The following LAMB4 variants were observed in gnomAD, a reference collection of about 807,000 sequenced individuals.
The protein encoded by LAMB4 is laminin subunit beta 4, also known as laminin subunit beta-4.
In LAMB4, 196 loss-of-function variants were observed where a neutral mutation model predicts 199.2. That is an observed-to-expected ratio of 0.98 (90% CI 0.88 to 1.11). LAMB4 has a LOEUF of 1.11. Among genes scored for constraint, LAMB4 ranks in the 50% least tolerant of loss-of-function variants. The pLI is 0.00. For synonymous variants in LAMB4, 744 were observed against 770.6 expected (o/e 0.97, Z 0.57); for missense variants, 2,080 against 2,171.2 (o/e 0.96, Z 0.83).
chr7:108,128,065 C>T (rs901990632), intron 1 of LAMB4, among the ~76,000 whole-genome samples: 12 of 152,100 alleles, frequency 7.9e-5, no homozygotes, highest in Non-Finnish European at 1.6e-4. Context: ...CTATGGAACA[C>T]GGTCGATACA....
At chr7:108,028,845 A>G (rs1413655155) in intron 33 of LAMB4, among the ~76,000 whole-genome samples, 198 bp downstream of exon 33, 1 of 152,200 alleles carries the variant, frequency 6.6e-6, no homozygotes. Flanking sequence ...GCAGATGCTC[A>G]TTAACCTTTC....
At chr7:108,091,514 G>A in intron 14 of LAMB4, 112 bp downstream of exon 14, 1 of 1,238,152 alleles carries the variant, frequency 8.1e-7, no homozygotes. Context: ...TGCATCTTTG[G>A]GCAAAAGCAT....
Position 108,106,522 on chromosome 7 carries a change from G to T in LAMB4, c.642C>A (p.Ser214Arg). Reference sequence around the variant, plus strand: ...AGGAATTCATACCTTGGATGTAGGGGCTATAAGGGTTTTCAATTTCAAAAC... The same window carrying T: ...AGGAATTCATACCTTGGATGTAGGGTCTATAAGGGTTTTCAATTTCAAAAC... ...DPSFEIENPY[S>R]PYIQDLVTLT... is the part of the protein sequence containing the mutation. Residue 214 changes from serine (S) to arginine (R), a missense_variant, in exon 7 of 34, where the codon AGC (serine) becomes AGA (arginine). Transcript: ENST00000388781. 2 of 1,578,830 alleles carry T rather than the reference G, an allele frequency of 1.3e-6. No homozygotes were observed. Among genetic ancestry groups the T allele is most frequent in the Non-Finnish European group, 1.7e-6 (2 of 1,150,866 alleles).
chr7:108,114,404 A>G (rs2038339519), intron 3 of LAMB4, among the ~76,000 whole-genome samples: 1 of 152,008 alleles, frequency 6.6e-6, no homozygotes, highest in Non-Finnish European at 1.5e-5. Flanking sequence ...ATGCTACTGC[A>G]TGCCAGCCTG....
chr7:108,052,632 A>G (rs548221171), intron 25 of LAMB4, among the ~76,000 whole-genome samples: 7 of 152,338 alleles, frequency 4.6e-5, no homozygotes, highest in African/African-American at 1.4e-4. Flanking sequence ...AACATATGGT[A>G]AAATAGAACC....
At chr7:108,082,015 T>A (rs1339634315) in intron 14 of LAMB4, among the ~76,000 whole-genome samples, 1 of 152,172 alleles carries the variant, frequency 6.6e-6, no homozygotes, top group Non-Finnish European at 1.5e-5. Context: ...TGAATATTCT[T>A]CACAAGCATT....
Position 108,063,642 on chromosome 7 carries a change from G to A in LAMB4, c.3061+119C>T, listed in dbSNP as rs1317302343. The A allele has an allele frequency of 4.7e-6, 4 of 847,598 alleles. 1 individual carries two copies. In the South Asian group the frequency reaches 5.8e-5, roughly 12 times the overall value. The allele number at this position is 847,598 out of a possible 1,614,324, so 52.5% of individuals were successfully genotyped here. ...CCGTACAACAGCCCTGTCACCTAGT[G>A]GGTGCTGCTTTTGCCTGCTGGGACT... On this transcript the variant is annotated intron_variant, in intron 22 of 33. Coordinates refer to ENST00000388781, the MANE Select transcript of LAMB4 (RefSeq NM_007356.3).
At chr7:108,074,121 G>C (rs1468074136) in intron 17 of LAMB4, among the ~76,000 whole-genome samples, 6 of 152,078 alleles carry the variant, frequency 3.9e-5, no homozygotes, top group African/African-American at 1.4e-4. Context: ...TCCTTCCCCT[G>C]TCCTCCCCTA....
At chr7:108,031,443 A>C (rs2035037120) in intron 31 of LAMB4, among the ~76,000 whole-genome samples, 1 of 151,544 alleles carries the variant, frequency 6.6e-6, no homozygotes, top group Non-Finnish European at 1.5e-5. Flanking sequence ...AGCCAGTTTA[A>C]GAATAAAACA....
intron 29 of LAMB4, among the ~76,000 whole-genome samples, chr7:108,042,893 G>A (rs1261449202): frequency 6.6e-6 from 1 of 150,532 alleles, no homozygotes; most frequent in African/African-American, 2.5e-5. Flanking sequence ...AATGGTTATG[G>A]AAAATAAAGC....
At chr7:108,047,243 C>A (rs1178206100) in intron 28 of LAMB4, among the ~76,000 whole-genome samples, 5 of 152,076 alleles carry the variant, frequency 3.3e-5, no homozygotes, top group African/African-American at 1.2e-4. Context: ...ACTGCACACG[C>A]CCACTTATAT....
At chr7:108,052,053 T>A in intron 26 of LAMB4, 44 bp downstream of exon 26, 1 of 1,546,692 alleles carries the variant, frequency 6.5e-7, no homozygotes. Context: ...GTGGATTTCA[T>A]CAAACTTTGT....
At chr7:108,056,854 C>T (rs1352391928) in intron 24 of LAMB4, among the ~76,000 whole-genome samples, 2 of 151,748 alleles carry the variant, frequency 1.3e-5, no homozygotes, top group Non-Finnish European at 2.9e-5. Flanking sequence ...CATGTATTCC[C>T]AGCTACTCTG....
intron 12 of LAMB4, among the ~76,000 whole-genome samples, chr7:108,092,804 T>C (rs998973966): frequency 2.6e-5 from 4 of 152,058 alleles, no homozygotes; most frequent in South Asian, 2.1e-4. Context: ...CTCGGGAGGC[T>C]GAGGCAGGAG....
chr7:108,048,239 A>T, intron 27 of LAMB4, 128 bp from the exon 28 acceptor site: 1 of 692,338 alleles, frequency 1.4e-6, no homozygotes, highest in Non-Finnish European at 2.3e-6. Context: ...ACCTTGGCTC[A>T]CTGCAACGTT....
At chr7:108,016,736 C>T in the LAMB4 span, among the ~76,000 whole-genome samples, 2 of 152,192 alleles carry the variant, frequency 1.3e-5, no homozygotes, top group Admixed American at 1.3e-4. Flanking sequence ...CTTTCCTCAT[C>T]AGAGGTAATA....
intron 15 of LAMB4, 106 bp from the exon 16 acceptor site, chr7:108,078,422 C>A: frequency 1.5e-6 from 1 of 676,878 alleles, no homozygotes; most frequent in South Asian, 1.8e-5. Context: ...AATTTGCAAC[C>A]CCTAGGCCAC....
intron 3 of LAMB4, among the ~76,000 whole-genome samples, 191 bp from the exon 4 acceptor site, chr7:108,112,137 T>A (rs2038249654): frequency 6.6e-6 from 1 of 152,184 alleles, no homozygotes; most frequent in African/African-American, 2.4e-5. Context: ...GAACTAAAAT[T>A]TTATAAATTT....
chr7:108,125,763 C>A (rs1365947311), intron 1 of LAMB4, among the ~76,000 whole-genome samples: 1 of 152,210 alleles, frequency 6.6e-6, no homozygotes, highest in African/African-American at 2.4e-5. Context: ...TAATGCTGAA[C>A]GCAGGAGTAA....
Sources: gnomAD v4.1 joint callset for allele counts (sites outside exome capture counted in the v4.1 genomes callset) on GRCh38, gnomAD v4.1.1 for gene constraint, MANE v1.5 for transcripts, NCBI Gene and HGNC (gene_info 2026-07-23, HGNC 2026-07-21) for gene names.